Variants in THAP7 observed in about 807,000 individuals in gnomAD.
THAP7 encodes THAP domain containing 7, also known as THAP domain-containing protein 7.
A neutral mutation model predicts 29.2 loss-of-function variants in THAP7; 22 were observed. That is an observed-to-expected ratio of 0.75 (90% CI 0.54 to 1.08). The LOEUF (loss-of-function observed/expected upper bound fraction) is 1.08, where lower values mean the gene tolerates loss of function less well. THAP7 is among the 50% of genes least tolerant of loss of function. THAP7 has a pLI of 0.00. For missense variants in THAP7, 448 were observed against 416.2 expected (o/e 1.08, Z -0.66); for synonymous variants, 208 against 173.4 (o/e 1.20, Z -1.57).
intron 1 of THAP7, 105 bp downstream of exon 1, chr22:21,001,727 C>T: frequency 1.6e-6 from 2 of 1,258,726 alleles, no homozygotes; most frequent in Non-Finnish European, 2.2e-6. Flanking sequence ...CAGGTTCAAG[C>T]CTCCTCAGTA....
In THAP7 at chr22:21,001,826, G is replaced by T. The variant is rs996740694; in HGVS notation, c.80+6C>A. The T allele has an allele frequency of 1.3e-6, 2 of 1,551,494 alleles. No homozygotes were observed. The highest frequency in any genetic ancestry group is 1.7e-6 in the Non-Finnish European group (2 of 1,149,982). On this transcript the variant is annotated splice_donor_region_variant and intron_variant, in intron 1 of 3. Transcript: ENST00000215742. ...GCACGTGAGCCCGCGGCGCACGCGC[G>T]CTGACCTGTGGAAGGAGATGCCGCG...
At chr22:21,001,188 C>A in intron 2 of THAP7, 68 bp downstream of exon 2, 2 of 1,588,852 alleles carry the variant, frequency 1.3e-6, no homozygotes, top group Non-Finnish European at 1.7e-6. Context: ...ACTTCCATGA[C>A]CTGCAGCTGT....
Position 20,999,750 on chromosome 22 carries a change from C to G in THAP7, c.*130G>C, listed in dbSNP as rs1016085889. 14 of 1,132,404 alleles carry G rather than the reference C, an allele frequency of 1.2e-5. No individual in the cohort carries two copies. Among genetic ancestry groups the G allele is most frequent in the Admixed American group, 2.8e-5 (1 of 36,098 alleles). 70.1% of individuals were successfully genotyped at this position (1,132,404 alleles called of 1,614,324 possible). A position where few individuals can be genotyped will look rare whatever the true frequency, so the allele number is the denominator to read the frequency against. On this transcript the variant is annotated 3_prime_UTR_variant, in exon 4 of 4. Transcript: ENST00000215742. ...TAGTACTCAGAGGGGCTCCAGCCCC[C>G]AGCTGAGCCAGACAGCAGGCCCTCC...
intron 2 of THAP7, 107 bp downstream of exon 2, chr22:21,001,149 A>G: frequency 6.7e-7 from 1 of 1,488,396 alleles, no homozygotes; most frequent in Non-Finnish European, 9.1e-7. Flanking sequence ...AACAGGAAAC[A>G]GCCCCCTTGG....
At position 21,001,859 on chromosome 22, in the gene THAP7, G is replaced by T; in HGVS notation, c.53C>A (p.Thr18Lys). The change falls in exon 1 of 4, where the codon ACG becomes AAG. Residue 18 changes from threonine to lysine, a missense_variant. Physicochemically the swap from Thr to Lys is moderately conservative, Grantham distance 78 (BLOSUM62 -1). Coordinates refer to ENST00000215742, the MANE Select transcript of THAP7 (RefSeq NM_030573.3). ...GTGGAAGGAGATGCCGCGGTTGCGCGTCTCGCGCGTGTCCCGTGTGCAGCA... is the reference window on the plus strand; with the variant it reads ...GTGGAAGGAGATGCCGCGGTTGCGCTTCTCGCGCGTGTCCCGTGTGCAGCA... ...AGCCTRDTRE[T>K]RNRGISFHRL... 6.4e-7 allele frequency: 1 copy of T among 1,565,510 alleles called. No individual in the cohort carries two copies. Among genetic ancestry groups the T allele is most frequent in the Non-Finnish European group, 8.6e-7 (1 of 1,156,926 alleles).
rs1205281464 is a variant in THAP7, at chr22:21,001,270, C to G, written c.222G>C (p.Glu74Asp). The change falls in exon 2 of 4, where the codon GAG (glutamate) becomes GAC (aspartate). Residue 74 changes from glutamate to aspartate, a missense_variant. Glu to Asp is a conservative substitution (Grantham distance 45). Coordinates refer to ENST00000215742, the MANE Select transcript of THAP7 (RefSeq NM_030573.3). ...CSKHFEEDCF[E>D]LVGISGYHRL... ...GGGAGGCCCACCTGATTCCCACCAG[C>G]TCAAAGCAGTCCTCCTCAAAGTGTT... The G allele has an allele frequency of 6.2e-7, 1 of 1,614,078 alleles. No homozygotes were observed. The highest frequency in any genetic ancestry group is 1.1e-5 in the South Asian group (1 of 91,076).
chr22:21,000,005 G>A lies in THAP7; in HGVS notation c.805C>T (p.Arg269Trp), dbSNP rs747717595. Residue 269 changes from arginine to tryptophan, a missense_variant, in exon 4 of 4, where the codon CGG (arginine) becomes TGG (tryptophan). Transcript: ENST00000215742. ...TGCTGCAGCTTGGTCAGTCTCAACCGCAGCCGCTGCTCCCGCCGCTTGCAG... is the reference window on the plus strand; with the variant it reads ...TGCTGCAGCTTGGTCAGTCTCAACCACAGCCGCTGCTCCCGCCGCTTGCAG... ...QACKRREQRL[R>W]LRLTKLQQER... The A allele has an allele frequency of 3.1e-6, 5 of 1,612,442 alleles. No homozygotes were observed. Among genetic ancestry groups the A allele is most frequent in the East Asian group, 2.2e-5 (1 of 44,892 alleles).
chr22:21,001,638 A>C, intron 1 of THAP7, 194 bp downstream of exon 1: 1 of 899,900 alleles, frequency 1.1e-6, no homozygotes, highest in Non-Finnish European at 1.6e-6. Context: ...GGGCGGGTCC[A>C]AGCCGGCTAG....
At chr22:21,000,511 C>T in intron 3 of THAP7, 79 bp from the exon 4 acceptor site, 1 of 1,557,092 alleles carries the variant, frequency 6.4e-7, no homozygotes, top group Non-Finnish European at 8.7e-7. Context: ...ACCTGATCCA[C>T]CCTTAACACC....
chr22:21,000,498 C>G, intron 3 of THAP7, 66 bp from the exon 4 acceptor site: 2 of 1,541,684 alleles, frequency 1.3e-6, no homozygotes, highest in Admixed American at 2.0e-5. Flanking sequence ...CCTCCACCAG[C>G]CCACCTGATC....
At chr22:21,000,912 C>T (rs992001041) in intron 2 of THAP7, 125 bp from the exon 3 acceptor site, 7 of 1,431,550 alleles carry the variant, frequency 4.9e-6, no homozygotes, top group Non-Finnish European at 6.7e-6. Context: ...TGGGGAACGC[C>T]AAGTTACAGC....
rs1448161024 is a variant in THAP7 at position 21,001,418 on chromosome 22, A to C, written c.81-7T>G. The C allele has an allele frequency of 6.2e-7, 1 of 1,613,122 alleles. No individual in the cohort carries two copies. Among genetic ancestry groups the C allele is most frequent in the Non-Finnish European group, 8.5e-7 (1 of 1,179,868 alleles). On this transcript the variant is annotated splice_polypyrimidine_tract_variant and splice_region_variant and intron_variant, in intron 1 of 3. Transcript: ENST00000215742. The stretch of plus-strand genomic sequence containing the variant: ...GTTGTCCTTCTTGGGAAGTCTGTGG[A>C]GCCACAAACCCGTGAGCACCAGGCT...
In THAP7 at chr22:20,999,951, C is replaced by A; in HGVS notation, c.859G>T (p.Ala287Ser). ...QERAREKRAQ[A>S]DARQTLKEHV... is the part of the protein sequence containing the mutation. ...TCCTTCAGAGTCTGGCGGGCATCTG[C>A]CTGTGCCCGCTTCTCCCGTGCCCGC... Residue 287 changes from alanine to serine, a missense_variant, in exon 4 of 4, where the codon GCA (alanine) becomes TCA (serine). Transcript: ENST00000215742. The A allele has an allele frequency of 6.2e-7, 1 of 1,612,508 alleles. No individual in the cohort carries two copies. Among genetic ancestry groups the A allele is most frequent in the Non-Finnish European group, 8.5e-7 (1 of 1,179,988 alleles).
rs1325075013 is a variant in THAP7, at chr22:21,001,019, AT to A, written c.237-233del. 7 of 851,438 alleles carry A rather than the reference AT, an allele frequency of 8.2e-6. No individual in the cohort carries two copies. In the East Asian group the frequency reaches 1.9e-4, roughly 23 times the overall value. 52.7% of individuals were successfully genotyped at this position (851,438 alleles called of 1,614,324 possible). ...CTGACCAGCCAGAAAGAATTCTTTGATTTGTGGACTTGCTGGCAAGACTGGG... is the reference window on the plus strand; with the variant it reads ...CTGACCAGCCAGAAAGAATTCTTTGATTGTGGACTTGCTGGCAAGACTGGG... On this transcript the variant is annotated intron_variant, in intron 2 of 3. Coordinates refer to ENST00000215742, the MANE Select transcript of THAP7 (RefSeq NM_030573.3).
Position 20,999,849 on chromosome 22 carries a change from T to G in THAP7, c.*31A>C. On this transcript the variant is annotated 3_prime_UTR_variant, in exon 4 of 4. Transcript: ENST00000215742. ...AGGGAGGAAGAGGCTGCAGTCTTGC[T>G]GGGCAGCCCCTCGGTCAGTCCAGCA... 1 of 1,573,360 alleles carries G rather than the reference T, an allele frequency of 6.4e-7. No homozygotes were observed. The highest frequency in any genetic ancestry group is 8.6e-7 in the Non-Finnish European group (1 of 1,163,488).
At chr22:21,001,078 T>C in intron 2 of THAP7, 178 bp downstream of exon 2, 1 of 991,880 alleles carries the variant, frequency 1.0e-6, no homozygotes, top group Non-Finnish European at 1.5e-6. Flanking sequence ...AAGGCTCCTG[T>C]TTTCCCCTTG....
Position 21,000,668 on chromosome 22 carries a change from C to A in THAP7, c.356G>T (p.Arg119Leu), listed in dbSNP as rs767276686. Residue 119 changes from arginine (R) to leucine (L), a missense_variant, in exon 3 of 4, where the codon CGG (arginine) becomes CTG (leucine). By Grantham distance (102) the Arg-to-Leu change is moderately radical. Coordinates refer to ENST00000215742, the MANE Select transcript of THAP7 (RefSeq NM_030573.3). The stretch of plus-strand genomic sequence containing the variant: ...ATACCGCTTCCTGCATCGTCTGAGC[C>A]GGCTGACTTCAGCGGGGCCAGGTGG... ...SYPPGPAEVS[R>L]LRRCRKRCSE... is the part of the protein sequence containing the mutation. 18 of 1,614,136 alleles carry A rather than the reference C, an allele frequency of 1.1e-5. No individual in the cohort carries two copies. In the East Asian group the frequency reaches 3.8e-4, roughly 34 times the overall value.
In THAP7 at chr22:21,001,837, G is replaced by T. The variant is rs1190707781; in HGVS notation, c.75C>A (p.Phe25Leu). 6.4e-7 allele frequency: 1 copy of T among 1,556,860 alleles called. No individual in the cohort carries two copies. Among genetic ancestry groups the T allele is most frequent in the Non-Finnish European group, 8.7e-7 (1 of 1,152,638 alleles). ...CGCGGCGCACGCGCGCTGACCTGTG[G>T]AAGGAGATGCCGCGGTTGCGCGTCT... The part of the protein sequence containing the change: ...TRETRNRGIS[F>L]HRLPKKDNPR... The change falls in exon 1 of 4, where the codon TTC (phenylalanine) becomes TTA (leucine). Residue 25 changes from phenylalanine (F) to leucine (L), a missense_variant. Coordinates refer to ENST00000215742, the MANE Select transcript of THAP7 (RefSeq NM_030573.3).
intron 3 of THAP7, 86 bp downstream of exon 3, chr22:21,000,560 TC>T: frequency 6.3e-7 from 1 of 1,592,442 alleles, no homozygotes; most frequent in African/African-American, 1.3e-5. Context: ...AAGAACCCTG[TC>T]CAGCGAGACT....
Sources: gnomAD v4.1 joint callset for allele counts on GRCh38, gnomAD v4.1.1 for gene constraint, MANE v1.5 for transcripts, NCBI Gene and HGNC (gene_info 2026-07-23, HGNC 2026-07-21) for gene names.